CFAP251: variants seen among roughly 807,000 people sequenced by gnomAD.
CFAP251 encodes cilia- and flagella-associated protein 251.
Under a neutral mutation model 126.7 loss-of-function variants are expected in CFAP251, and 93 were observed. The ratio of observed to expected loss-of-function variants is 0.73; its 90% CI spans 0.62 to 0.87. The LOEUF is 0.87. CFAP251 is among the 40% of genes least tolerant of loss of function. The probability of loss-of-function intolerance (pLI) is 0.00; values close to 1 mark genes in which losing one functional copy is unlikely to be tolerated. For missense variants in CFAP251, 1,287 were observed against 1,389.2 expected, an observed-to-expected ratio of 0.93 and a Z score of 1.17; for synonymous variants, 503 against 506.9, an observed-to-expected ratio of 0.99 and a Z score of 0.10.
intron 8 of CFAP251, 120 bp from the exon 9 acceptor site, chr12:121,951,360 T>C (rs1881517792): frequency 1.8e-6 from 1 of 562,574 alleles, no homozygotes; most frequent in Non-Finnish European, 3.1e-6. Flanking sequence ...TTCTCTTACC[T>C]GTAGAAACTG....
chr12:121,969,663 A>T (rs574225370), intron 17 of CFAP251: 13 of 855,352 alleles, frequency 1.5e-5, no homozygotes, highest in East Asian at 1.2e-4. Flanking sequence ...CTTTAAAAAA[A>T]TTTTTTTTGT....
At position 121,984,010 on chromosome 12, in the gene CFAP251, G is replaced by T. The variant is rs571945902; in HGVS notation, c.3006+8325G>T. Among the ~76,000 whole-genome samples the T allele has an allele frequency of 4.6e-5, 7 of 152,304 alleles. No individual in the cohort carries two copies. In the South Asian group the frequency reaches 1.5e-3, roughly 32 times the overall value. On this transcript the variant is annotated intron_variant, in intron 19 of 21. Coordinates refer to ENST00000288912, the MANE Select transcript of CFAP251 (RefSeq NM_144668.6). Reference sequence around the variant, plus strand: ...CCCCTCCTTCAGGAAGTTGCATGGAGTATACGCCTCACTACTGGAGTGTGT... The same window carrying T: ...CCCCTCCTTCAGGAAGTTGCATGGATTATACGCCTCACTACTGGAGTGTGT...
Position 121,934,659 on chromosome 12 carries a change from G to A in CFAP251, c.998+303G>A, listed in dbSNP as rs538180146. 1.9e-3 allele frequency among the ~76,000 whole-genome samples: 293 copies of A among 152,228 alleles called. 1 individual carries two copies. The highest frequency in any genetic ancestry group is 6.7e-3 in the African/African-American group (277 of 41,542). ...TTGCTACCAAGTGTTCGTGTCTATC[G>A]CTGCTCCTCATTCCATACATTTCTT... is the stretch of plus-strand genomic sequence containing the variant. On this transcript the variant is annotated intron_variant, in intron 5 of 21. Coordinates refer to ENST00000288912, the MANE Select transcript of CFAP251 (RefSeq NM_144668.6).
At chr12:121,951,261 A>G (rs1177588) in intron 8 of CFAP251, 270,361 of 400,464 alleles carry the variant, frequency 0.68, 96,682 homozygotes, top group Non-Finnish European at 0.77. Context: ...CAAGAAAAAA[A>G]AAGTCATAAT....
At chr12:121,935,722 G>A (rs1020998226) in intron 5 of CFAP251, among the ~76,000 whole-genome samples, 2 of 152,152 alleles carry the variant, frequency 1.3e-5, no homozygotes, top group African/African-American at 2.4e-5. Context: ...GGCTCACTTC[G>A]ATCAAGCGTC....
chr12:121,960,413 T>C (rs2135784311), intron 13 of CFAP251, among the ~76,000 whole-genome samples, 172 bp from the exon 14 acceptor site: 1 of 152,272 alleles, frequency 6.6e-6, no homozygotes, highest in South Asian at 2.1e-4. Context: ...AGATGGGGTT[T>C]TGCCATATTG....
At chr12:121,934,425 A>G in intron 5 of CFAP251, 69 bp downstream of exon 5, 1 of 1,214,868 alleles carries the variant, frequency 8.2e-7, no homozygotes, top group Non-Finnish European at 1.2e-6. Flanking sequence ...TGTGACAGTG[A>G]CAGAATGAGC....
chr12:121,973,917 C>T (rs867042261), intron 17 of CFAP251, among the ~76,000 whole-genome samples: 4 of 152,156 alleles, frequency 2.6e-5, no homozygotes, highest in Middle Eastern at 3.4e-3. Context: ...AAATGAGTTA[C>T]GATTTTGGGG....
Position 121,958,386 on chromosome 12 carries a change from C to T in CFAP251, c.1845C>T (p.His615=), listed in dbSNP as rs1881803166. 1 of 1,614,112 alleles carries T rather than the reference C, an allele frequency of 6.2e-7. No homozygotes were observed. The highest frequency in any genetic ancestry group is 8.5e-7 in the Non-Finnish European group (1 of 1,180,056). The change falls in exon 12 of 22, where the codon CAC becomes CAT. Residue 615 remains histidine (H), a synonymous_variant. Coordinates refer to ENST00000288912, the MANE Select transcript of CFAP251 (RefSeq NM_144668.6). ...PKDAICAISC[H]PYQPLIAIGS... is the part of the protein sequence containing the mutation. ...ATGCCATTTGTGCCATCTCCTGCCA[C>T]CCATATCAACCCCTCATTGCCATCG... is the stretch of plus-strand genomic sequence containing the variant.
At chr12:121,953,723 C>T in intron 9 of CFAP251, 1 of 187,616 alleles carries the variant, frequency 5.3e-6, no homozygotes, top group South Asian at 1.0e-4. Context: ...TGGGAAAATA[C>T]CTTATGATAA....
chr12:121,994,049 C>A (rs1303706593), intron 19 of CFAP251, among the ~76,000 whole-genome samples: 1 of 109,132 alleles, frequency 9.2e-6, no homozygotes, highest in African/African-American at 3.4e-5. Context: ...CCCCGCCTGG[C>A]CAGCCGCCCC....
chr12:121,983,060 G>A (rs118030815), intron 19 of CFAP251, among the ~76,000 whole-genome samples: 1,923 of 152,248 alleles, frequency 0.013, 20 homozygotes, highest in Non-Finnish European at 0.019. Flanking sequence ...AAGGAGACCC[G>A]TCTCTGCTAA....
chr12:121,993,652 G>A (rs1283198021), intron 19 of CFAP251, among the ~76,000 whole-genome samples: 3 of 138,360 alleles, frequency 2.2e-5, no homozygotes, highest in African/African-American at 2.8e-5. Flanking sequence ...GCCTCTGCCC[G>A]GCCGAGACCC....
chr12:121,965,608 C>CAGCT (rs1391654300), intron 15 of CFAP251, among the ~76,000 whole-genome samples: 1 of 152,006 alleles, frequency 6.6e-6, no homozygotes, highest in East Asian at 1.9e-4. Context: ...AAGAGTAAGA[C>CAGCT]AGCTCTCTGT....
chr12:121,988,981 C>G (rs1882814288), intron 19 of CFAP251, among the ~76,000 whole-genome samples: 1 of 152,078 alleles, frequency 6.6e-6, no homozygotes. Flanking sequence ...AATGATCCAC[C>G]CAACTTGGCC....
At chr12:121,959,281 C>A in intron 13 of CFAP251, 187 bp downstream of exon 13, 1 of 576,810 alleles carries the variant, frequency 1.7e-6, no homozygotes, top group African/African-American at 1.9e-5. Context: ...TACAAAAACA[C>A]TTTTTAAAAA....
At chr12:121,924,172 C>T (rs577683138) in intron 3 of CFAP251, among the ~76,000 whole-genome samples, 182 bp downstream of exon 3, 24 of 152,140 alleles carry the variant, frequency 1.6e-4, no homozygotes, top group Admixed American at 7.9e-4. Flanking sequence ...TGCAGTGGCA[C>T]GATCTTGGCT....
intron 9 of CFAP251, chr12:121,952,848 T>TA (rs1881582657): frequency 1.3e-5 from 2 of 152,152 alleles, no homozygotes; most frequent in South Asian, 2.1e-4. Flanking sequence ...ATGAAAGTAC[T>TA]AAAAAATACC....
intron 19 of CFAP251, among the ~76,000 whole-genome samples, chr12:121,982,068 T>A (rs1222841907): frequency 2.0e-5 from 3 of 152,238 alleles, no homozygotes; most frequent in South Asian, 4.1e-4. Context: ...TATGAGAATG[T>A]TTCTCTGACC....
Sources: allele counts gnomAD v4.1 joint callset (sites outside exome capture counted in the v4.1 genomes callset), GRCh38; gene constraint gnomAD v4.1.1; transcripts MANE v1.5; gene names NCBI Gene and HGNC (gene_info 2026-07-23, HGNC 2026-07-21).